SCARB2: variants seen among roughly 807,000 people sequenced by gnomAD.
The protein encoded by SCARB2 is scavenger receptor class B member 2.
A neutral mutation model predicts 58.6 loss-of-function variants in SCARB2; 29 were observed. The observed-to-expected ratio is 0.49, with a 90% CI of 0.37 to 0.67. SCARB2 has a LOEUF of 0.67. Ranked by LOEUF, SCARB2 falls within the 30% of genes least tolerant of loss-of-function variation. SCARB2 has a pLI of 0.00. For synonymous variants in SCARB2, 195 were observed against 210.1 expected, an observed-to-expected ratio of 0.93 and a Z score of 0.62; for missense variants, 488 against 578.5, an observed-to-expected ratio of 0.84 and a Z score of 1.60.
rs1274690632 is a variant in SCARB2 at position 76,213,518 on chromosome 4, G to A, written c.26C>T (p.Ala9Val). 1 of 1,610,458 alleles carries A rather than the reference G, an allele frequency of 6.2e-7. No homozygotes were observed. ...CAGCAGGAGCAGGGACAACGTCCCC[G>A]CCGTGTAGAAGCAGCATCGGCCCAT... MGRCCFYT[A>V]GTLSLLLLVT... The change falls in exon 1 of 12, where the codon GCG (alanine) becomes GTG (valine). Residue 9 changes from alanine (A) to valine (V), a missense_variant. Ala to Val is a moderately conservative substitution (Grantham distance 64, BLOSUM62 0). Transcript: ENST00000264896.
At chr4:76,184,278 C>T (rs939151604) in intron 2 of SCARB2, among the ~76,000 whole-genome samples, 1 of 152,192 alleles carries the variant, frequency 6.6e-6, no homozygotes, top group Non-Finnish European at 1.5e-5. Flanking sequence ...ACCTAAGAAA[C>T]GCCTGTAGGA....
At chr4:76,175,006 G>A (rs535928698) in intron 6 of SCARB2, 1 of 153,032 alleles carries the variant, frequency 6.5e-6, no homozygotes, top group Non-Finnish European at 1.5e-5. Flanking sequence ...AGGCTGGCCG[G>A]AAGAGCCTTC....
chr4:76,227,004 G>GTTTC (rs1733409866), intron 1 of SCARB2, among the ~76,000 whole-genome samples: 1 of 151,084 alleles, frequency 6.6e-6, no homozygotes, highest in Non-Finnish European at 1.5e-5. Flanking sequence ...TTCGAATTTT[G>GTTTC]TTTGTTTGTT....
At chr4:76,193,716 T>C (rs1303291809) in intron 2 of SCARB2, 1 of 152,230 alleles carries the variant, frequency 6.6e-6, no homozygotes, top group African/African-American at 2.4e-5. Flanking sequence ...CCATTGTATC[T>C]TGAAAGGAAA....
upstream of SCARB2, chr4:76,214,088 C>G: frequency 2.8e-6 from 1 of 356,060 alleles, no homozygotes; most frequent in Non-Finnish European, 5.6e-6. Flanking sequence ...AATTGCCGAA[C>G]CTGGTTCACA....
chr4:76,232,290 G>A (rs183658097), intron 1 of SCARB2, among the ~76,000 whole-genome samples: 7 of 151,982 alleles, frequency 4.6e-5, no homozygotes, highest in Admixed American at 2.0e-4. Flanking sequence ...GTTGATATTC[G>A]TGAACATTTC....
intron 2 of SCARB2, among the ~76,000 whole-genome samples, chr4:76,188,240 A>G (rs1732528319): frequency 6.6e-6 from 1 of 152,234 alleles, no homozygotes; most frequent in Non-Finnish European, 1.5e-5. Context: ...TACAAATTTT[A>G]TACAAATATG....
rs1733125812 is a variant in SCARB2 at position 76,213,657 on chromosome 4, AC to A, written c.-115del. 1 of 794,364 alleles carries A rather than the reference AC, an allele frequency of 1.3e-6. No homozygotes were observed. Among genetic ancestry groups the A allele is most frequent in the Non-Finnish European group, 2.1e-6 (1 of 484,112 alleles). The allele number at this position is 794,364 out of a possible 1,614,324, so 49.2% of individuals were successfully genotyped here. A position where few individuals can be genotyped will look rare whatever the true frequency, so the allele number is the denominator to read the frequency against. Reference sequence around the variant, plus strand: ...CCCGGGACCCTTCGGCGCCACGCCCACGCCCTCCCGGCGCACGGTTCGTGCG... The same window carrying A: ...CCCGGGACCCTTCGGCGCCACGCCCAGCCCTCCCGGCGCACGGTTCGTGCG... On this transcript the variant is annotated 5_prime_UTR_variant, in exon 1 of 12. Transcript: ENST00000264896.
Position 76,197,985 on chromosome 4 carries a change from G to A in SCARB2, c.118-2121C>T, listed in dbSNP as rs17001621. Reference sequence around the variant, plus strand: ...CAAGGAGAAGGAATGGACACAAAGAGAACTCACTTCATCTTGGCTTTCCTC... The same window carrying A: ...CAAGGAGAAGGAATGGACACAAAGAAAACTCACTTCATCTTGGCTTTCCTC... On this transcript the variant is annotated intron_variant, in intron 1 of 11. Transcript: ENST00000264896. Among the ~76,000 whole-genome samples the A allele has an allele frequency of 4.8e-3, 733 of 152,190 alleles. 7 individuals are homozygous for A. Among genetic ancestry groups the A allele is most frequent in the African/African-American group, 0.017 (687 of 41,522 alleles).
chr4:76,222,863 G>A (rs57228398), intron 1 of SCARB2, among the ~76,000 whole-genome samples: 6,835 of 152,204 alleles, frequency 0.045, 478 homozygotes, highest in African/African-American at 0.15. Context: ...CCAGCTGAGC[G>A]CCTAGTTTAA....
chr4:76,167,474 C>A (rs1489634419), intron 9 of SCARB2, among the ~76,000 whole-genome samples: 3 of 152,108 alleles, frequency 2.0e-5, no homozygotes, highest in African/African-American at 7.2e-5. Flanking sequence ...TCCTCTCTCT[C>A]TTGCTCCTGC....
chr4:76,177,191 G>T (rs961471124), intron 4 of SCARB2: 4 of 151,978 alleles, frequency 2.6e-5, no homozygotes, highest in African/African-American at 9.7e-5. Flanking sequence ...ATTTTAAAAT[G>T]GGCAAAGGAT....
In SCARB2 at chr4:76,213,568, C is replaced by T. The variant is rs780104759; in HGVS notation, c.-25G>A. 27 of 1,578,066 alleles carry T rather than the reference C, an allele frequency of 1.7e-5. No individual in the cohort carries two copies. The Admixed American group carries it at 2.4e-4, about 14-fold the overall frequency. ...TTCTGTGCGCCGCTCACGGGCCGGG[C>T]CGGGCCGCACCCGCCAGGGATCCAA... On this transcript the variant is annotated 5_prime_UTR_variant, in exon 1 of 12. Transcript: ENST00000264896.
intron 2 of SCARB2, 89 bp from the exon 3 acceptor site, chr4:76,181,190 T>C: frequency 7.9e-7 from 1 of 1,267,764 alleles, no homozygotes; most frequent in East Asian, 2.3e-5. Flanking sequence ...AGTTATATTT[T>C]CAATATAACA....
chr4:76,184,552 A>G (rs1732447512), intron 2 of SCARB2: 2 of 166,146 alleles, frequency 1.2e-5, no homozygotes, highest in Non-Finnish European at 1.3e-5. Context: ...CAAGGTTGCT[A>G]TGGGACCTGA....
At chr4:76,175,575 G>C in intron 6 of SCARB2, 1 of 591,584 alleles carries the variant, frequency 1.7e-6, no homozygotes, top group Non-Finnish European at 3.0e-6. Flanking sequence ...AGGTCACACA[G>C]CTATAAGTGG....
upstream of SCARB2, chr4:76,214,227 A>G (rs1163216166): frequency 2.2e-6 from 1 of 454,692 alleles, no homozygotes; most frequent in Admixed American, 2.3e-5. Flanking sequence ...CGTTACCGCA[A>G]TTACAACACA....
At chr4:76,225,599 G>A (rs893556726) in intron 1 of SCARB2, among the ~76,000 whole-genome samples, 1 of 152,190 alleles carries the variant, frequency 6.6e-6, no homozygotes, top group African/African-American at 2.4e-5. Flanking sequence ...ATCATAAAGC[G>A]ATGCTGGATT....
chr4:76,187,039 G>A (rs781383292), intron 2 of SCARB2, among the ~76,000 whole-genome samples: 3 of 152,040 alleles, frequency 2.0e-5, no homozygotes, highest in Non-Finnish European at 2.9e-5. Context: ...GCTCAGACAC[G>A]GTTAAAGAAC....
Sources: allele counts gnomAD v4.1 joint callset (sites outside exome capture counted in the v4.1 genomes callset), GRCh38; gene constraint gnomAD v4.1.1; transcripts MANE v1.5; gene names NCBI Gene and HGNC (gene_info 2026-07-23, HGNC 2026-07-21).